The following RALYL variants were observed in gnomAD, a reference collection of about 807,000 sequenced individuals.
The protein encoded by RALYL is RALY RNA binding protein like, also known as RNA-binding Raly-like protein.
Under a neutral mutation model 35.1 loss-of-function variants are expected in RALYL, and 29 were observed. The observed-to-expected ratio is 0.83, with a 90% CI of 0.61 to 1.13. RALYL has a LOEUF of 1.13. Ranked by LOEUF, RALYL falls within the 50% of genes most tolerant of loss-of-function variation. The probability of loss-of-function intolerance (pLI) is 0.00; values close to 1 mark genes in which losing one functional copy is unlikely to be tolerated. For missense variants in RALYL, 359 were observed against 360.4 expected (o/e 1.00, Z 0.03); for synonymous variants, 120 against 127.6 (o/e 0.94, Z 0.40).
At chr8:84,232,988 T>G (rs1354547389) in intron 1 of RALYL, among the ~76,000 whole-genome samples, 1 of 152,158 alleles carries the variant, frequency 6.6e-6, no homozygotes, top group Non-Finnish European at 1.5e-5. Context: ...TTTTCTTTTT[T>G]TCTTTTTTTA....
intron 2 of RALYL, among the ~76,000 whole-genome samples, chr8:84,656,423 TAG>T (rs915071108): frequency 1.3e-5 from 2 of 152,166 alleles, no homozygotes; most frequent in Non-Finnish European, 2.9e-5. Context: ...GATGGAAATA[TAG>T]AGAGAAATAA....
chr8:84,799,110 C>A (rs6992185), intron 3 of RALYL, among the ~76,000 whole-genome samples: 6,162 of 152,244 alleles, frequency 0.04, 376 homozygotes, highest in African/African-American at 0.14. Flanking sequence ...TCATCTAACA[C>A]AATCATTACT....
intron 1 of RALYL, among the ~76,000 whole-genome samples, chr8:84,306,185 C>G (rs913429738): frequency 4.6e-5 from 7 of 151,710 alleles, no homozygotes; most frequent in Non-Finnish European, 8.8e-5. Context: ...AACGAAAACC[C>G]CACCTCTTTC....
intron 1 of RALYL, among the ~76,000 whole-genome samples, chr8:84,261,910 A>T (rs1344564725): frequency 6.6e-6 from 1 of 152,204 alleles, no homozygotes; most frequent in Non-Finnish European, 1.5e-5. Context: ...ATAATTTAAA[A>T]AAATAAAATT....
rs1831286726 is a variant in RALYL, at chr8:84,663,339, G to A, written c.257-111240G>A. 2.0e-5 allele frequency among the ~76,000 whole-genome samples: 3 copies of A among 152,112 alleles called. No individual in the cohort carries two copies. The South Asian group carries it at 6.2e-4, about 32-fold the overall frequency. On this transcript the variant is annotated intron_variant, in intron 2 of 8. Coordinates refer to ENST00000521268, the MANE Select transcript of RALYL (RefSeq NM_173848.7). ...AATAGAATGATGTATATTCCTTTAT[G>A]TATATACCCAGTAATGAGATTGCTG... is the stretch of plus-strand genomic sequence containing the variant.
chr8:84,415,342 C>T (rs1373194909), intron 1 of RALYL, among the ~76,000 whole-genome samples: 1 of 151,450 alleles, frequency 6.6e-6, no homozygotes, highest in African/African-American at 2.4e-5. Context: ...CAGGTTCAAG[C>T]GATTCTCCTG....
At chr8:84,215,881 C>A (rs910944412) in intron 1 of RALYL, among the ~76,000 whole-genome samples, 1 of 152,048 alleles carries the variant, frequency 6.6e-6, no homozygotes, top group Non-Finnish European at 1.5e-5. Context: ...ACGAATGCTA[C>A]AAAAAGGGAT....
At chr8:84,327,338 C>G (rs1487462064) in intron 1 of RALYL, among the ~76,000 whole-genome samples, 1 of 151,960 alleles carries the variant, frequency 6.6e-6, no homozygotes, top group Admixed American at 6.6e-5. Flanking sequence ...TATGGAATGG[C>G]ACAATCTAGA....
At chr8:84,449,405 C>T (rs570357254) in intron 1 of RALYL, among the ~76,000 whole-genome samples, 2 of 152,100 alleles carry the variant, frequency 1.3e-5, no homozygotes, top group East Asian at 3.9e-4. Context: ...GCTTGCAAAG[C>T]TGTCTCTTAA....
intron 2 of RALYL, chr8:84,679,110 T>G (rs1286896714): frequency 4.3e-6 from 1 of 233,866 alleles, no homozygotes; most frequent in Non-Finnish European, 8.9e-6. Context: ...TAGTAAATGC[T>G]GATTCTGAGA....
At chr8:84,558,210 C>G (rs1354193227) in intron 2 of RALYL, among the ~76,000 whole-genome samples, 2 of 152,068 alleles carry the variant, frequency 1.3e-5, no homozygotes, top group Non-Finnish European at 2.9e-5. Context: ...AAGGCTTATT[C>G]CTTTACAAGA....
intron 1 of RALYL, among the ~76,000 whole-genome samples, chr8:84,247,106 G>A (rs532873561): frequency 6.6e-6 from 1 of 152,114 alleles, no homozygotes; most frequent in African/African-American, 2.4e-5. Context: ...TCCAAATCAC[G>A]ATGGTGATTT....
chr8:84,881,309 T>A (rs1372880256), intron 7 of RALYL, among the ~76,000 whole-genome samples: 3 of 152,002 alleles, frequency 2.0e-5, no homozygotes, highest in African/African-American at 4.8e-5. Context: ...AAATTTTTCT[T>A]AAAATACAGT....
At chr8:84,245,335 G>A (rs1223150657) in intron 1 of RALYL, among the ~76,000 whole-genome samples, 1 of 152,180 alleles carries the variant, frequency 6.6e-6, no homozygotes, top group Non-Finnish European at 1.5e-5. Context: ...AATGAAAGGA[G>A]GACAATGGAC....
chr8:84,445,238 T>C (rs992698408), intron 1 of RALYL, among the ~76,000 whole-genome samples: 1 of 152,058 alleles, frequency 6.6e-6, no homozygotes, highest in Admixed American at 6.6e-5. Flanking sequence ...TTTTTAATTT[T>C]AATTTTTAAA....
chr8:84,289,927 C>A (rs546922514), intron 1 of RALYL, among the ~76,000 whole-genome samples: 4 of 152,116 alleles, frequency 2.6e-5, no homozygotes, highest in African/African-American at 9.7e-5. Flanking sequence ...TTTGTTTCCA[C>A]TAGATTCCTT....
rs377733878 is a variant in RALYL at position 84,396,920 on chromosome 8, T to TC, written c.-23-132372dup. On this transcript the variant is annotated intron_variant, in intron 1 of 8. Transcript: ENST00000521268. The stretch of plus-strand genomic sequence containing the variant: ...TTATAATCTTATTATTCATAGAATA[T>TC]CCCCCCCGCCCCATAAATATCAACT... Among the ~76,000 whole-genome samples the TC allele has an allele frequency of 4.1e-3, 628 of 151,786 alleles. 3 individuals carry two copies. Among genetic ancestry groups the TC allele is most frequent in the Non-Finnish European group, 6.9e-3 (466 of 67,914 alleles).
At chr8:84,733,392 C>T (rs1026422055) in intron 2 of RALYL, among the ~76,000 whole-genome samples, 13 of 152,146 alleles carry the variant, frequency 8.5e-5, no homozygotes, top group Admixed American at 7.9e-4. Context: ...CTGTAAGGTT[C>T]CTTTCCATTC....
In RALYL at chr8:84,807,231, C is replaced by A. The variant is rs113962892; in HGVS notation, c.365+2429C>A. On this transcript the variant is annotated intron_variant, in intron 4 of 8. Coordinates refer to ENST00000521268, the MANE Select transcript of RALYL (RefSeq NM_173848.7). ...TTCTTATGCTTTTCCATCCTCATAGCTTAGCTCCCACTTATCAGTGAACAC... is the reference window on the plus strand; with the variant it reads ...TTCTTATGCTTTTCCATCCTCATAGATTAGCTCCCACTTATCAGTGAACAC... Among the ~76,000 whole-genome samples, 406 of 152,286 alleles carry A rather than the reference C, an allele frequency of 2.7e-3. 2 individuals are homozygous for A. The highest frequency in any genetic ancestry group is 9.0e-3 in the African/African-American group (373 of 41,560).
Sources: gnomAD v4.1 joint callset for allele counts (sites outside exome capture counted in the v4.1 genomes callset) on GRCh38, gnomAD v4.1.1 for gene constraint, MANE v1.5 for transcripts, NCBI Gene and HGNC (gene_info 2026-07-23, HGNC 2026-07-21) for gene names.